The following TAFA2 variants were observed in gnomAD, a reference collection of about 807,000 sequenced individuals.
TAFA2 encodes the protein chemokine-like protein TAFA-2.
Under a neutral mutation model 18.8 loss-of-function variants are expected in TAFA2, and 7 were observed. The ratio of observed to expected loss-of-function variants is 0.37; its 90% CI spans 0.21 to 0.70. The LOEUF (loss-of-function observed/expected upper bound fraction) is 0.70. Ranked by LOEUF, TAFA2 falls within the 30% of genes least tolerant of loss-of-function variation. The probability of loss-of-function intolerance (pLI) is 0.53; values close to 1 mark genes in which losing one functional copy is unlikely to be tolerated. For synonymous variants in TAFA2, 60 were observed against 54.2 expected (o/e 1.11, Z -0.47); for missense variants, 122 against 158.1 (o/e 0.77, Z 1.23).
chr12:62,111,881 C>T (rs1048148737), intron 1 of TAFA2, among the ~76,000 whole-genome samples: 8 of 152,078 alleles, frequency 5.3e-5, no homozygotes, highest in Non-Finnish European at 1.2e-4. Context: ...CTATGTGTGT[C>T]TTTGCACGTG....
intron 1 of TAFA2, among the ~76,000 whole-genome samples, chr12:61,952,052 A>C (rs1165129517): frequency 6.6e-6 from 1 of 152,132 alleles, no homozygotes; most frequent in African/African-American, 2.4e-5. Flanking sequence ...TAATTACCAA[A>C]GAAAATAATT....
At chr12:62,023,887 A>G (rs778491788) in intron 1 of TAFA2, 21 of 152,210 alleles carry the variant, frequency 1.4e-4, no homozygotes, top group Admixed American at 1.2e-3. Flanking sequence ...TCTGCACGTC[A>G]TCTTTATCCT....
intron 1 of TAFA2, among the ~76,000 whole-genome samples, chr12:61,929,941 T>C (rs1877482792): frequency 6.9e-6 from 1 of 144,032 alleles, no homozygotes; most frequent in African/African-American, 2.7e-5. Context: ...CACTCATAGG[T>C]GGGAATTGAA....
chr12:61,724,801 G>GTA (rs1555196549), intron 4 of TAFA2, among the ~76,000 whole-genome samples: 1,636 of 110,178 alleles, frequency 0.015, 9 homozygotes, highest in African/African-American at 0.025. Flanking sequence ...GTGTGTGTGT[G>GTA]TATACACCAG....
intron 1 of TAFA2, among the ~76,000 whole-genome samples, chr12:61,999,666 C>A (rs377042688): frequency 6.6e-6 from 1 of 152,064 alleles, no homozygotes; most frequent in Non-Finnish European, 1.5e-5. Context: ...TATGCTGAAG[C>A]GAATACTAGT....
intron 1 of TAFA2, among the ~76,000 whole-genome samples, chr12:62,164,697 T>C (rs1368887272): frequency 6.6e-6 from 1 of 152,144 alleles, no homozygotes; most frequent in African/African-American, 2.4e-5. Context: ...AGTGGAAACA[T>C]TTTCAGACAT....
At chr12:62,235,842 G>A (rs2062834742) in intron 1 of TAFA2, among the ~76,000 whole-genome samples, 1 of 151,744 alleles carries the variant, frequency 6.6e-6, no homozygotes, top group Non-Finnish European at 1.5e-5. Flanking sequence ...TTAGCCTCCT[G>A]AGTAGCTGGG....
At chr12:61,924,093 A>C (rs1877175133) in intron 1 of TAFA2, among the ~76,000 whole-genome samples, 1 of 152,108 alleles carries the variant, frequency 6.6e-6, no homozygotes, top group Non-Finnish European at 1.5e-5. Flanking sequence ...GCTATGTGAA[A>C]AGACCAACCC....
chr12:61,796,974 C>T (rs1196868736), intron 2 of TAFA2, among the ~76,000 whole-genome samples: 1 of 152,156 alleles, frequency 6.6e-6, no homozygotes, highest in African/African-American at 2.4e-5. Flanking sequence ...TTATACCTCT[C>T]TCAAACAGCT....
chr12:62,119,044 T>C (rs1870083710), intron 1 of TAFA2, among the ~76,000 whole-genome samples: 1 of 152,184 alleles, frequency 6.6e-6, no homozygotes, highest in South Asian at 2.1e-4. Context: ...ATCTGGATTA[T>C]CTACTAAGTG....
intron 1 of TAFA2, among the ~76,000 whole-genome samples, chr12:62,136,277 A>G (rs1870892488): frequency 6.6e-6 from 1 of 152,146 alleles, no homozygotes; most frequent in Non-Finnish European, 1.5e-5. Flanking sequence ...GTGACCCACA[A>G]TTGTTGTGAA....
chr12:62,230,366 A>G (rs1277552778), intron 1 of TAFA2, among the ~76,000 whole-genome samples: 1 of 151,930 alleles, frequency 6.6e-6, no homozygotes, highest in African/African-American at 2.4e-5. Flanking sequence ...CTTCCCTCTT[A>G]GTACTGCTTT....
At chr12:61,900,393 G>T (rs1195370205) in intron 1 of TAFA2, among the ~76,000 whole-genome samples, 1 of 152,166 alleles carries the variant, frequency 6.6e-6, no homozygotes, top group Non-Finnish European at 1.5e-5. Flanking sequence ...TATTTCTGTG[G>T]CATTCTAGTG....
At chr12:62,170,085 G>A (rs968087090) in intron 1 of TAFA2, among the ~76,000 whole-genome samples, 4 of 152,020 alleles carry the variant, frequency 2.6e-5, no homozygotes, top group African/African-American at 7.2e-5. Flanking sequence ...ATGCTCTCTT[G>A]TTTATCTTGT....
At chr12:61,857,193 A>G (rs1010176357) in intron 2 of TAFA2, among the ~76,000 whole-genome samples, 3 of 134,330 alleles carry the variant, frequency 2.2e-5, no homozygotes, top group African/African-American at 8.0e-5. Flanking sequence ...AGAGTTATAT[A>G]AGAGTCTCAA....
intron 1 of TAFA2, among the ~76,000 whole-genome samples, chr12:62,144,826 C>G (rs2062269381): frequency 6.6e-6 from 1 of 152,152 alleles, no homozygotes; most frequent in African/African-American, 2.4e-5. Context: ...GTTGAGAAAG[C>G]CTTATATCCC....
At chr12:61,791,357 A>T (rs1019349376) in intron 2 of TAFA2, among the ~76,000 whole-genome samples, 1 of 151,774 alleles carries the variant, frequency 6.6e-6, no homozygotes, top group African/African-American at 2.4e-5. Context: ...AAGAAATGGG[A>T]TTACATCAAA....
intron 1 of TAFA2, among the ~76,000 whole-genome samples, chr12:61,947,486 TAAAA>T (rs1410569014): frequency 5.3e-5 from 8 of 151,894 alleles, no homozygotes; most frequent in East Asian, 1.9e-4. Context: ...AATAAATAAA[TAAAA>T]AAGAATTTTG....
At chr12:61,872,410 G>GA (rs553704690) in intron 1 of TAFA2, among the ~76,000 whole-genome samples, 174 of 152,022 alleles carry the variant, frequency 1.1e-3, no homozygotes, top group African/African-American at 4.1e-3. Context: ...GACAAATCTC[G>GA]AAAAAAATTC....
Sources: allele counts gnomAD v4.1 joint callset (sites outside exome capture counted in the v4.1 genomes callset), GRCh38; gene constraint gnomAD v4.1.1; transcripts MANE v1.5; gene names NCBI Gene and HGNC (gene_info 2026-07-23, HGNC 2026-07-21).